Variants in AK9 observed in about 807,000 individuals in gnomAD.
The protein encoded by AK9 is adenylate kinase 9.
In AK9, 191 loss-of-function variants were observed where a neutral mutation model predicts 239.6. That is an observed-to-expected ratio of 0.80 (90% CI 0.71 to 0.90). The LOEUF (loss-of-function observed/expected upper bound fraction) is 0.90, where lower values mean the gene tolerates loss of function less well. AK9 is among the 40% of genes least tolerant of loss of function. The probability of loss-of-function intolerance (pLI) is 0.00; values close to 1 mark genes in which losing one functional copy is unlikely to be tolerated. For synonymous variants in AK9, 689 were observed against 721.0 expected (o/e 0.96, Z 0.71); for missense variants, 1,995 against 2,214.7 (o/e 0.90, Z 1.99).
At chr6:109,657,580 A>C (rs1799868280) in intron 7 of AK9, among the ~76,000 whole-genome samples, 1 of 150,652 alleles carries the variant, frequency 6.6e-6, no homozygotes, top group Admixed American at 6.6e-5. Flanking sequence ...TTTAAGTTCT[A>C]GGGTATGTGT....
At chr6:109,526,461 T>C (rs1054772627) in intron 29 of AK9, among the ~76,000 whole-genome samples, 1 of 152,076 alleles carries the variant, frequency 6.6e-6, no homozygotes, top group Non-Finnish European at 1.5e-5. Context: ...AATAAATTCA[T>C]AGTCTCAGAG....
Position 109,630,758 on chromosome 6 carries a change from T to C in AK9, c.1254+2165A>G, listed in dbSNP as rs1288107621. ...TACTCAGGAGGCTGGGGTGGGAGGATTGCTTGAGCCCAGGAGTTAGAGGAT... is the reference window on the plus strand; with the variant it reads ...TACTCAGGAGGCTGGGGTGGGAGGACTGCTTGAGCCCAGGAGTTAGAGGAT... On this transcript the variant is annotated intron_variant, in intron 12 of 40. Transcript: ENST00000424296. Among the ~76,000 whole-genome samples the C allele has an allele frequency of 2.6e-5, 4 of 151,988 alleles. No homozygotes were observed. The East Asian group carries it at 5.8e-4, about 22-fold the overall frequency.
At chr6:109,637,141 T>TG (rs769348937) in intron 10 of AK9, among the ~76,000 whole-genome samples, 7 of 152,238 alleles carry the variant, frequency 4.6e-5, no homozygotes, top group Non-Finnish European at 1.0e-4. Context: ...ATTTCCTTAA[T>TG]GGCTAGTGAT....
At position 109,659,351 on chromosome 6, in the gene AK9, G is replaced by A. The variant is rs762837731; in HGVS notation, c.507C>T (p.Tyr169=). The A allele has an allele frequency of 1.9e-6, 3 of 1,611,736 alleles. No individual in the cohort carries two copies. The highest frequency in any genetic ancestry group is 2.5e-6 in the Non-Finnish European group (3 of 1,179,446). Residue 169 remains tyrosine, a synonymous_variant, in exon 7 of 41, where the codon TAC becomes TAT. Transcript: ENST00000424296. Reference sequence around the variant, plus strand: ...GATCCCACTGGTCTCTACTGTATATGTATCCCGTATTATTGTGCTGTCTTT... The same window carrying A: ...GATCCCACTGGTCTCTACTGTATATATATCCCGTATTATTGTGCTGTCTTT... ...SGQRQHNNTG[Y]IYSRDQWDPE...
rs781454973 is a variant in AK9, at chr6:109,573,587, T to C, written c.2199A>G (p.Glu733=). Residue 733 remains glutamate, a synonymous_variant, in exon 21 of 41, where the codon GAA becomes GAG. Coordinates refer to ENST00000424296, the MANE Select transcript of AK9 (RefSeq NM_001145128.3). The stretch of plus-strand genomic sequence containing the variant: ...CCTCTTCATCCTCATTATCAGTCTC[T>C]TCAGCTTCTAAAAAAATTTGAAGAA... ...ELMKVKAKEA[E]ETDNEDEEEI... is the part of the protein sequence containing the mutation. 2 of 1,533,260 alleles carry C rather than the reference T, an allele frequency of 1.3e-6. No individual in the cohort carries two copies. The highest frequency in any genetic ancestry group is 1.4e-5 in the African/African-American group (1 of 71,714). The allele number at this position is 1,533,260 out of a possible 1,614,324, so 95.0% of individuals were successfully genotyped here.
chr6:109,608,014 G>A (rs1425587825), intron 17 of AK9, among the ~76,000 whole-genome samples: 1 of 151,744 alleles, frequency 6.6e-6, no homozygotes. Context: ...GGTGGATCAC[G>A]CCCGTAATCC....
chr6:109,595,606 G>A (rs1675679718), intron 17 of AK9, among the ~76,000 whole-genome samples: 2 of 152,162 alleles, frequency 1.3e-5, no homozygotes, highest in East Asian at 3.9e-4. Context: ...CAACCCAAAT[G>A]CCCATCGATG....
chr6:109,600,600 C>G (rs1245536097), intron 17 of AK9, among the ~76,000 whole-genome samples: 2 of 152,054 alleles, frequency 1.3e-5, no homozygotes, highest in African/African-American at 2.4e-5. Context: ...CATAAAATGA[C>G]TTAGGGAGGA....
At chr6:109,650,295 G>A (rs1156983479) in intron 8 of AK9, among the ~76,000 whole-genome samples, 1 of 151,862 alleles carries the variant, frequency 6.6e-6, no homozygotes, top group African/African-American at 2.4e-5. Flanking sequence ...AGAGTGAACA[G>A]GCAACCTACA....
chr6:109,514,463 GA>G, intron 31 of AK9, 26 bp from the exon 32 acceptor site: 1 of 1,486,274 alleles, frequency 6.7e-7, no homozygotes, highest in Non-Finnish European at 9.0e-7. Flanking sequence ...AGTTGAATTT[GA>G]AAGTTAGTTT....
chr6:109,554,525 CTTTTTTTTTTTTTT>C (rs3060760), intron 24 of AK9, among the ~76,000 whole-genome samples: 2 of 77,464 alleles, frequency 2.6e-5, no homozygotes, highest in African/African-American at 8.7e-5. Context: ...TATTTCTTTT[CTTTTTTTTTTTTTT>C]TTTTTTTTTG....
intron 19 of AK9, among the ~76,000 whole-genome samples, chr6:109,580,469 C>A (rs1019266268): frequency 6.6e-6 from 1 of 152,174 alleles, no homozygotes; most frequent in African/African-American, 2.4e-5. Flanking sequence ...AGAATGTTGA[C>A]TGAATCTTTA....
intron 24 of AK9, among the ~76,000 whole-genome samples, chr6:109,557,026 G>A (rs1785081151): frequency 6.6e-6 from 1 of 151,880 alleles, no homozygotes; most frequent in African/African-American, 2.4e-5. Context: ...TGTGCCCTTG[G>A]TGGAGAAACA....
intron 1 of AK9, among the ~76,000 whole-genome samples, chr6:109,684,453 G>C (rs1201085624): frequency 6.6e-6 from 1 of 152,088 alleles, no homozygotes; most frequent in African/African-American, 2.4e-5. Context: ...CCATCAGAGT[G>C]AACAGGCAAC....
chr6:109,664,267 A>C (rs936799116), intron 5 of AK9, among the ~76,000 whole-genome samples: 1 of 152,160 alleles, frequency 6.6e-6, no homozygotes, highest in Non-Finnish European at 1.5e-5. Context: ...CTTGTGCCCC[A>C]AAAGTTTGAG....
At position 109,550,247 on chromosome 6, in the gene AK9, CA is replaced by C; in HGVS notation, c.2806del (p.Cys936ValfsTer52). On this transcript the variant is annotated frameshift_variant, in exon 25 of 41. Coordinates refer to ENST00000424296, the MANE Select transcript of AK9 (RefSeq NM_001145128.3). LOFTEE classifies it high-confidence loss of function. ...GAAGTTTTCTTTGAGGACCACCGGA[CA>C]AAAGTGTTTTGTGTCTCCCAAATGC... ...KRHLGDTKHF[C>X]PVVLKENFIL... is the part of the protein sequence containing the mutation. 6.2e-7 allele frequency: 1 copy of C among 1,613,046 alleles called. No individual in the cohort carries two copies. The highest frequency in any genetic ancestry group is 8.5e-7 in the Non-Finnish European group (1 of 1,179,996).
chr6:109,684,852 C>A (rs1438723760), intron 1 of AK9, among the ~76,000 whole-genome samples: 1 of 99,688 alleles, frequency 1.0e-5, no homozygotes, highest in Admixed American at 1.6e-4. Context: ...CCAGCCTGGG[C>A]GACAGAGTGA....
At chr6:109,504,595 G>A (rs1399006750) in intron 35 of AK9, among the ~76,000 whole-genome samples, 1 of 151,930 alleles carries the variant, frequency 6.6e-6, no homozygotes, top group Non-Finnish European at 1.5e-5. Context: ...GATCACCCGA[G>A]GTCGGGAGTT....
intron 25 of AK9, 41 bp from the exon 26 acceptor site, chr6:109,546,168 A>G: frequency 6.6e-7 from 1 of 1,514,198 alleles, no homozygotes; most frequent in Non-Finnish European, 8.9e-7. Context: ...GGATAAAGGG[A>G]GAGTGAAGGA....
Sources: gnomAD v4.1 joint callset for allele counts (sites outside exome capture counted in the v4.1 genomes callset) on GRCh38, gnomAD v4.1.1 for gene constraint, MANE v1.5 for transcripts, NCBI Gene and HGNC (gene_info 2026-07-23, HGNC 2026-07-21) for gene names.